BABAM2: variants seen among roughly 807,000 people sequenced by gnomAD.
BABAM2 encodes BRISC and BRCA1 A complex member 2.
In BABAM2, 31 loss-of-function variants were observed where a neutral mutation model predicts 54.7. The observed-to-expected ratio is 0.57, with a 90% CI of 0.43 to 0.77. BABAM2 has a LOEUF of 0.77. Ranked by LOEUF, BABAM2 falls within the 30% of genes least tolerant of loss-of-function variation. BABAM2 has a pLI of 0.00. For synonymous variants in BABAM2, 167 were observed against 162.9 expected (o/e 1.03, Z -0.19); for missense variants, 364 against 455.8 (o/e 0.80, Z 1.83).
At chr2:28,136,097 A>G (rs1026473698) in intron 7 of BABAM2, among the ~76,000 whole-genome samples, 8 of 152,160 alleles carry the variant, frequency 5.3e-5, no homozygotes, top group East Asian at 1.9e-4. Flanking sequence ...CCAGCCAAGC[A>G]GAATTTTGTG....
At chr2:27,890,217 T>C (rs1573090312), upstream of BABAM2, 1 of 1,592,106 alleles carries the variant, frequency 6.3e-7, no homozygotes, top group Admixed American at 1.7e-5. The surrounding 1 kb of genome is among the most constrained non-coding windows in gnomAD (Gnocchi z 4.8). Context: ...GCACGCCTCC[T>C]CCCCCGAGCC....
intron 6 of BABAM2, among the ~76,000 whole-genome samples, chr2:28,062,938 G>T (rs1679021758): frequency 6.6e-6 from 1 of 152,230 alleles, no homozygotes; most frequent in Non-Finnish European, 1.5e-5. Flanking sequence ...CACCCTGTAA[G>T]GTGGCACAGT....
chr2:28,310,299 C>T (rs1688959607), intron 11 of BABAM2: 2 of 740,758 alleles, frequency 2.7e-6, no homozygotes, highest in South Asian at 1.8e-5. Context: ...CTGTGCAGAC[C>T]AGGCTGCACC....
chr2:28,040,064 G>C lies in BABAM2; in HGVS notation c.496-5661G>C, dbSNP rs188548600. Reference sequence around the variant, plus strand: ...GAAAGCAATCTTTGACATTACAACTGAGTGACCATAAATTGCTTGAATAGC... The same window carrying C: ...GAAAGCAATCTTTGACATTACAACTCAGTGACCATAAATTGCTTGAATAGC... On this transcript the variant is annotated intron_variant, in intron 5 of 11. Coordinates refer to ENST00000379624, the MANE Select transcript of BABAM2 (RefSeq NM_199191.3). Among the ~76,000 whole-genome samples, 581 of 152,120 alleles carry C rather than the reference G, an allele frequency of 3.8e-3. 4 individuals carry two copies. The highest frequency in any genetic ancestry group is 7.1e-3 in the Admixed American group (109 of 15,288).
chr2:27,936,098 T>A (rs1444840396), intron 3 of BABAM2, among the ~76,000 whole-genome samples: 1 of 152,094 alleles, frequency 6.6e-6, no homozygotes, highest in Non-Finnish European at 1.5e-5. Context: ...TTTTATATTT[T>A]TAGTAGAGAC....
At chr2:27,912,417 A>G (rs566179988) in intron 2 of BABAM2, among the ~76,000 whole-genome samples, 16 of 152,256 alleles carry the variant, frequency 1.1e-4, no homozygotes, top group Admixed American at 2.6e-4. Flanking sequence ...TTTGCATCAT[A>G]AAAGTATCTT....
chr2:28,079,925 A>T (rs1046678323), intron 6 of BABAM2, among the ~76,000 whole-genome samples: 5 of 152,152 alleles, frequency 3.3e-5, no homozygotes, highest in African/African-American at 1.2e-4. Flanking sequence ...TATTTTAAAA[A>T]TATGTTACCT....
At chr2:27,996,601 G>A (rs370743886) in intron 4 of BABAM2, among the ~76,000 whole-genome samples, 6 of 152,152 alleles carry the variant, frequency 3.9e-5, no homozygotes, top group East Asian at 1.9e-4. Flanking sequence ...CCTGGGCTAC[G>A]CCAGAATTCA....
intron 7 of BABAM2, among the ~76,000 whole-genome samples, chr2:28,193,834 T>A (rs1371812559): frequency 2.0e-5 from 3 of 152,188 alleles, no homozygotes; most frequent in African/African-American, 4.8e-5. Context: ...AGATGCTTGC[T>A]AAGTACCTGG....
intron 2 of BABAM2, among the ~76,000 whole-genome samples, chr2:27,895,495 G>A (rs1573104886): frequency 6.6e-6 from 1 of 152,166 alleles, no homozygotes; most frequent in East Asian, 1.9e-4. Flanking sequence ...GTACAGATGT[G>A]TTGTTGTACC....
intron 7 of BABAM2, among the ~76,000 whole-genome samples, chr2:28,206,214 A>G (rs1272510900): frequency 6.6e-6 from 1 of 152,162 alleles, no homozygotes; most frequent in Non-Finnish European, 1.5e-5. Context: ...TAGCAAAGGT[A>G]GGAAAGGATA....
chr2:28,232,820 C>T (rs534496106), intron 7 of BABAM2, among the ~76,000 whole-genome samples: 5 of 152,212 alleles, frequency 3.3e-5, no homozygotes, highest in Admixed American at 6.5e-5. Flanking sequence ...GCAGACAGAC[C>T]GAAGTTCACA....
intron 7 of BABAM2, among the ~76,000 whole-genome samples, chr2:28,174,977 A>T (rs187131893): frequency 1.3e-5 from 2 of 152,286 alleles, no homozygotes; most frequent in Admixed American, 6.5e-5. Flanking sequence ...CACCAGGGAG[A>T]TCTGCCTCAG....
chr2:28,135,670 G>A (rs1244405684), intron 7 of BABAM2, among the ~76,000 whole-genome samples: 2 of 152,114 alleles, frequency 1.3e-5, no homozygotes, highest in African/African-American at 4.8e-5. Flanking sequence ...CTTCTTTACA[G>A]CCTGTTTTTA....
intron 4 of BABAM2, among the ~76,000 whole-genome samples, chr2:27,997,986 C>T (rs1673288987): frequency 6.6e-6 from 1 of 152,030 alleles, no homozygotes; most frequent in South Asian, 2.1e-4. Flanking sequence ...AACCCCGTCT[C>T]TACTAAAAAT....
chr2:27,986,049 T>C (rs1413381085), intron 3 of BABAM2, among the ~76,000 whole-genome samples: 5 of 152,070 alleles, frequency 3.3e-5, no homozygotes, highest in Non-Finnish European at 7.4e-5. Context: ...GAGAGAGATA[T>C]AGTATTTGAT....
intron 3 of BABAM2, among the ~76,000 whole-genome samples, chr2:27,941,494 T>C (rs994508685): frequency 1.3e-5 from 2 of 151,282 alleles, no homozygotes; most frequent in Non-Finnish European, 2.9e-5. Flanking sequence ...AGGCGGAGGT[T>C]GCAGCTAGCC....
chr2:27,933,707 C>T (rs1209931834), intron 3 of BABAM2, among the ~76,000 whole-genome samples: 1 of 151,482 alleles, frequency 6.6e-6, no homozygotes, highest in African/African-American at 2.4e-5. Flanking sequence ...TCATCATCTG[C>T]CTGCTTCAGC....
In BABAM2 at chr2:28,265,670, C is replaced by G. The variant is rs535961694; in HGVS notation, c.934+20808C>G. On this transcript the variant is annotated intron_variant, in intron 10 of 11. Transcript: ENST00000379624. ...CACACACACACGACACACGTACACT[C>G]TAGTGATAACACTCAGCTAACTTCC... Among the ~76,000 whole-genome samples, 14 of 152,244 alleles carry G rather than the reference C, an allele frequency of 9.2e-5. No homozygotes were observed. The South Asian group carries it at 2.9e-3, about 32-fold the overall frequency.
Sources: gnomAD v4.1 joint callset for allele counts (sites outside exome capture counted in the v4.1 genomes callset) on GRCh38, gnomAD v4.1.1 for gene constraint, Gnocchi (gnomAD v3.1) non-coding constraint, MANE v1.5 for transcripts, NCBI Gene and HGNC (gene_info 2026-07-23, HGNC 2026-07-21) for gene names.